Variants in ABCC1 observed in about 807,000 individuals in gnomAD.
ABCC1 encodes multidrug resistance-associated protein 1.
ABCC1 carries 83 observed loss-of-function variants against 172.9 expected under a neutral mutation model. The ratio of observed to expected loss-of-function variants is 0.48; its 90% confidence interval spans 0.40 to 0.58. The LOEUF (loss-of-function observed/expected upper bound fraction) is 0.58, where lower values mean the gene tolerates loss of function less well. Ranked by LOEUF, ABCC1 falls within the 20% of genes least tolerant of loss-of-function variation. The pLI is 0.00. For missense variants in ABCC1, 1,817 were observed against 2,002.7 expected (o/e 0.91, Z 1.77); for synonymous variants, 937 against 825.2 (o/e 1.14, Z -2.32).
chr16:16,061,445 G>A (rs186504944), intron 12 of ABCC1, among the ~76,000 whole-genome samples: 18 of 152,304 alleles, frequency 1.2e-4, no homozygotes, highest in Admixed American at 5.2e-4. Flanking sequence ...ATGCTAAGTC[G>A]TACCTCTCCC....
intron 23 of ABCC1, among the ~76,000 whole-genome samples, chr16:16,118,177 G>C (rs2044983276): frequency 6.6e-6 from 1 of 152,178 alleles, no homozygotes; most frequent in South Asian, 2.1e-4. Context: ...CAGTAGGGAT[G>C]GGTTGTTTAG....
intron 5 of ABCC1, among the ~76,000 whole-genome samples, chr16:16,026,901 A>T (rs575079178): frequency 2.6e-5 from 4 of 152,258 alleles, no homozygotes; most frequent in African/African-American, 9.6e-5. Context: ...TGGGCGACAG[A>T]GTGAGACTCA....
At chr16:16,139,235 G>A (rs762213560) in intron 30 of ABCC1, among the ~76,000 whole-genome samples, 6 of 152,218 alleles carry the variant, frequency 3.9e-5, no homozygotes, top group African/African-American at 1.2e-4. Context: ...ACGGGATAGC[G>A]AGTGCTGGGC....
intron 26 of ABCC1, among the ~76,000 whole-genome samples, chr16:16,126,338 A>T (rs1443555958): frequency 6.6e-6 from 1 of 152,200 alleles, no homozygotes; most frequent in Non-Finnish European, 1.5e-5. Flanking sequence ...AGTCTTCAAC[A>T]GGACGGATTC....
chr16:16,103,232 A>T (rs1056457799), intron 20 of ABCC1, among the ~76,000 whole-genome samples: 5 of 152,080 alleles, frequency 3.3e-5, no homozygotes, highest in African/African-American at 9.7e-5. Flanking sequence ...GCTTCCTTAG[A>T]TCCCTGGGGA....
chr16:16,136,276 G>A (rs1246054337), intron 28 of ABCC1, among the ~76,000 whole-genome samples: 2 of 151,988 alleles, frequency 1.3e-5, no homozygotes, highest in East Asian at 1.9e-4. Flanking sequence ...CACTCGCCTC[G>A]GCCTGCCAAA....
intron 18 of ABCC1, among the ~76,000 whole-genome samples, chr16:16,089,613 T>C (rs1490930111): frequency 6.6e-6 from 1 of 151,518 alleles, no homozygotes; most frequent in Non-Finnish European, 1.5e-5. Context: ...CTCACACCTG[T>C]AATCCTAAAA....
chr16:16,134,618 C>G, intron 28 of ABCC1, 110 bp downstream of exon 28: 3 of 608,926 alleles, frequency 4.9e-6, no homozygotes, highest in South Asian at 2.1e-5. Flanking sequence ...GGCCCTACTT[C>G]ATCGTTCTTT....
intron 20 of ABCC1, among the ~76,000 whole-genome samples, chr16:16,105,133 G>T (rs1434924943): frequency 6.6e-6 from 1 of 152,234 alleles, no homozygotes; most frequent in South Asian, 2.1e-4. Context: ...TGCCAAGGCC[G>T]AGGAGGCACA....
rs147269707 is a variant in ABCC1 at position 16,137,227 on chromosome 16, G to T, written c.4292+583G>T. Reference sequence around the variant, plus strand: ...GGGCAGTCAGCCAGGTGGCTCTGCTGATCTCGGCTGGGCTCACATGCATGT... The same window carrying T: ...GGGCAGTCAGCCAGGTGGCTCTGCTTATCTCGGCTGGGCTCACATGCATGT... On this transcript the variant is annotated intron_variant, in intron 29 of 30. Coordinates refer to ENST00000399410, the MANE Select transcript of ABCC1 (RefSeq NM_004996.4). Among the ~76,000 whole-genome samples, 9 of 152,268 alleles carry T rather than the reference G, an allele frequency of 5.9e-5. No individual in the cohort carries two copies. In the East Asian group the frequency reaches 1.5e-3, roughly 26 times the overall value.
intron 12 of ABCC1, among the ~76,000 whole-genome samples, chr16:16,057,222 G>C (rs528082787): frequency 6.6e-6 from 1 of 150,818 alleles, no homozygotes; most frequent in Non-Finnish European, 1.5e-5. Flanking sequence ...AGCTGGGCAT[G>C]GTGGTGCATG....
chr16:16,131,447 C>T (rs1187845208), intron 26 of ABCC1, among the ~76,000 whole-genome samples: 1 of 152,142 alleles, frequency 6.6e-6, no homozygotes, highest in African/African-American at 2.4e-5. Flanking sequence ...ACAATTAGAG[C>T]CTGTCCTCAT....
intron 20 of ABCC1, among the ~76,000 whole-genome samples, chr16:16,104,818 G>C (rs1044792334): frequency 1.3e-5 from 2 of 152,174 alleles, no homozygotes; most frequent in African/African-American, 4.8e-5. Flanking sequence ...CCTGCCCCGC[G>C]GGGAGGCAGC....
chr16:15,975,205 T>C (rs2046456598), intron 1 of ABCC1, among the ~76,000 whole-genome samples: 2 of 152,222 alleles, frequency 1.3e-5, no homozygotes, highest in African/African-American at 4.8e-5. Flanking sequence ...GCCCCATGGC[T>C]AGTGCTACCT....
chr16:16,016,209 A>G (rs938529187), intron 4 of ABCC1, among the ~76,000 whole-genome samples: 4 of 130,528 alleles, frequency 3.1e-5, no homozygotes, highest in Admixed American at 9.8e-5. Flanking sequence ...GCTGGAATGC[A>G]GTGGCGTGAT....
At chr16:15,991,793 C>A (rs1181216640) in intron 1 of ABCC1, among the ~76,000 whole-genome samples, 1 of 152,124 alleles carries the variant, frequency 6.6e-6, no homozygotes, top group Non-Finnish European at 1.5e-5. Context: ...TGGCCTTGAA[C>A]CATGCTTCTC....
chr16:16,076,022 A>G (rs1030946745), intron 14 of ABCC1, among the ~76,000 whole-genome samples: 2 of 118,996 alleles, frequency 1.7e-5, no homozygotes, highest in African/African-American at 5.5e-5. Context: ...GCATTGAGTA[A>G]TTCTCATGCG....
chr16:16,123,623 A>G (rs2045267116), intron 24 of ABCC1, among the ~76,000 whole-genome samples: 1 of 152,062 alleles, frequency 6.6e-6, no homozygotes, highest in African/African-American at 2.4e-5. Flanking sequence ...GCGAAACTCT[A>G]TCTGAAGAAA....
chr16:15,983,397 T>C (rs2151595444), intron 1 of ABCC1, among the ~76,000 whole-genome samples: 1 of 152,170 alleles, frequency 6.6e-6, no homozygotes, highest in East Asian at 1.9e-4. Flanking sequence ...GTGAAGGGAC[T>C]GGGGCTGTGT....
Sources: allele counts gnomAD v4.1 joint callset (sites outside exome capture counted in the v4.1 genomes callset), GRCh38; gene constraint gnomAD v4.1.1; transcripts MANE v1.5; gene names NCBI Gene and HGNC (gene_info 2026-07-23, HGNC 2026-07-21).